The following WRN variants were observed in gnomAD, a reference collection of about 807,000 sequenced individuals.
The protein encoded by WRN is WRN RecQ like helicase.
Under a neutral mutation model 180.7 loss-of-function variants are expected in WRN, and 149 were observed. That is an observed-to-expected ratio of 0.82 (90% CI 0.72 to 0.94). WRN has a LOEUF of 0.94. Ranked by LOEUF, WRN falls within the 40% of genes least tolerant of loss-of-function variation. WRN has a pLI of 0.00. For missense variants in WRN, 1,661 were observed against 1,700.1 expected (o/e 0.98, Z 0.40); for synonymous variants, 548 against 568.9 (o/e 0.96, Z 0.52).
intron 10 of WRN, among the ~76,000 whole-genome samples, chr8:31,084,359 A>C (rs1205000292): frequency 6.6e-6 from 1 of 152,178 alleles, no homozygotes; most frequent in Non-Finnish European, 1.5e-5. Flanking sequence ...TTTATTGGGT[A>C]CCAATTATTA....
chr8:31,084,772 G>A (rs1289997022), intron 10 of WRN, among the ~76,000 whole-genome samples: 1 of 152,104 alleles, frequency 6.6e-6, no homozygotes, highest in Non-Finnish European at 1.5e-5. Context: ...TAAAATCAGT[G>A]GATGTCAAAA....
chr8:31,150,354 GA>G lies in WRN; in HGVS notation c.3590del (p.Asn1197ThrfsTer2), dbSNP rs281865160. On this transcript the variant is annotated frameshift_variant, in exon 31 of 35. Transcript: ENST00000298139. LOFTEE classifies it high-confidence loss of function. ...TGTTAAACACAGACCAACTACGGTT[GA>G]AAACGTAAAAAGGATTGATGGTGTT... ...DMAKMRPTTVENVKRIDGVSE... is the reference protein window; with the variant it reads ...DMAKMRPTTVXNVKRIDGVSE... 12 of 1,613,968 alleles carry G rather than the reference GA, an allele frequency of 7.4e-6. No individual in the cohort carries two copies. The highest frequency in any genetic ancestry group is 9.3e-6 in the Non-Finnish European group (11 of 1,179,988).
chr8:31,124,376 T>C (rs886182856), intron 21 of WRN, 146 bp from the exon 22 acceptor site: 26 of 623,344 alleles, frequency 4.2e-5, no homozygotes, highest in Non-Finnish European at 6.4e-5. Flanking sequence ...AACAGAACTT[T>C]CTGAGATGCT....
chr8:31,142,040 C>T (rs773130433), intron 26 of WRN, among the ~76,000 whole-genome samples: 5 of 151,970 alleles, frequency 3.3e-5, no homozygotes, highest in Admixed American at 6.6e-5. Context: ...GCCTCGATCT[C>T]GTGGGCCCAA....
intron 1 of WRN, among the ~76,000 whole-genome samples, chr8:31,036,546 T>G (rs1811459487): frequency 1.3e-5 from 2 of 152,250 alleles, no homozygotes; most frequent in Admixed American, 1.3e-4. Context: ...ATAGCCATTC[T>G]AACAGGTGTG....
chr8:31,053,984 C>G (rs893524224), intron 1 of WRN, among the ~76,000 whole-genome samples: 3 of 151,872 alleles, frequency 2.0e-5, no homozygotes, highest in African/African-American at 4.8e-5. Context: ...ATTTTTGCAC[C>G]CTTGAAATAC....
chr8:31,152,084 T>C (rs979539011), intron 31 of WRN, among the ~76,000 whole-genome samples: 2 of 152,110 alleles, frequency 1.3e-5, no homozygotes, highest in Non-Finnish European at 2.9e-5. Flanking sequence ...ATATAATCCA[T>C]AAATGTACAA....
intron 5 of WRN, 81 bp downstream of exon 5, chr8:31,065,144 T>A: frequency 7.4e-7 from 1 of 1,354,234 alleles, no homozygotes; most frequent in Non-Finnish European, 1.0e-6. Flanking sequence ...GAATGTTAGA[T>A]TTTTTTTTGA....
intron 1 of WRN, among the ~76,000 whole-genome samples, chr8:31,057,566 G>A (rs911479849): frequency 4.6e-5 from 7 of 151,708 alleles, no homozygotes; most frequent in African/African-American, 7.3e-5. Flanking sequence ...GCAAGACTCC[G>A]TCTCAAAACA....
intron 19 of WRN, 98 bp downstream of exon 19, chr8:31,111,897 A>G (rs1801335482): frequency 7.3e-7 from 1 of 1,378,420 alleles, no homozygotes. Flanking sequence ...CTTCTAATGC[A>G]TATTTAACAT....
chr8:31,070,217 T>A (rs1227112109), intron 7 of WRN, among the ~76,000 whole-genome samples: 1 of 151,750 alleles, frequency 6.6e-6, no homozygotes, highest in African/African-American at 2.4e-5. Context: ...CTTTTTTTCC[T>A]TCCTTCCTCC....
intron 20 of WRN, among the ~76,000 whole-genome samples, chr8:31,117,644 C>T (rs1801572158): frequency 1.3e-5 from 2 of 152,118 alleles, no homozygotes; most frequent in South Asian, 4.1e-4. Flanking sequence ...AATTTAACTT[C>T]AGCTCTTGCA....
At chr8:31,120,456 GA>G in intron 21 of WRN, 32 bp downstream of exon 21, 1 of 1,587,152 alleles carries the variant, frequency 6.3e-7, no homozygotes, top group African/African-American at 1.4e-5. Context: ...TACTCTTGCA[GA>G]TTTCTTTCTT....
At position 31,111,775 on chromosome 8, in the gene WRN, T is replaced by C. The variant is rs779633784; in HGVS notation, c.2249T>C (p.Leu750Pro). Residue 750 changes from leucine (L) to proline (P), a missense_variant, in exon 19 of 35, where the codon CTG becomes CCG. Physicochemically the swap from Leu to Pro is moderately conservative, Grantham distance 98 (BLOSUM62 -3). Around this residue, in one of 3 missense-constraint regions of WRN, gnomAD observed 1,141 missense variants for 1,149.4 expected, o/e 0.99. Transcript: ENST00000298139. Reference protein sequence around the residue: ...RRKTGNILQDLQPFLVKTSSH... With the variant: ...RRKTGNILQDPQPFLVKTSSH... ...AAAACAGGGAATATCCTTCAGGATC[T>C]GCAGCCATTTCTTGTCAAAACAAGG... The C allele has an allele frequency of 1.2e-6, 2 of 1,613,966 alleles. No individual in the cohort carries two copies. Among genetic ancestry groups the C allele is most frequent in the South Asian group, 2.2e-5 (2 of 91,082 alleles).
At chr8:31,069,612 A>C (rs1812833035) in intron 7 of WRN, among the ~76,000 whole-genome samples, 1 of 152,236 alleles carries the variant, frequency 6.6e-6, no homozygotes, top group African/African-American at 2.4e-5. Flanking sequence ...ATACAGGACA[A>C]TGTGTATAGA....
At chr8:31,119,800 C>T in intron 20 of WRN, among the ~76,000 whole-genome samples, 1 of 151,950 alleles carries the variant, frequency 6.6e-6, no homozygotes, top group East Asian at 1.9e-4. Context: ...ATCAATTTTA[C>T]CCTCTTAAAG....
At position 31,124,993 on chromosome 8, in the gene WRN, A is replaced by G; in HGVS notation, c.2818A>G (p.Arg940Gly). 2 of 1,612,864 alleles carry G rather than the reference A, an allele frequency of 1.2e-6. No individual in the cohort carries two copies. Among genetic ancestry groups the G allele is most frequent in the East Asian group, 2.2e-5 (1 of 44,736 alleles). Residue 940 changes from arginine (R) to glycine (G), a missense_variant, in exon 23 of 35, where the codon AGG (arginine) becomes GGG (glycine). Physicochemically the swap from Arg to Gly is moderately radical, Grantham distance 125 (BLOSUM62 -2). Transcript: ENST00000298139. ...AACTGAAAAATGCTGTGATAATTGC[A>G]GGTCCAGGTAAAGATTTCTTATTAT... is the stretch of plus-strand genomic sequence containing the variant. ...MGTEKCCDNC[R>G]SRLDHCYSMD...
At chr8:31,086,602 G>A (rs539128693) in intron 11 of WRN, among the ~76,000 whole-genome samples, 1 of 151,682 alleles carries the variant, frequency 6.6e-6, no homozygotes, top group East Asian at 1.9e-4. Context: ...AAAAAAAAAA[G>A]TAGATTGTGA....
At chr8:31,147,884 A>ATTTTTTTTTTT (rs367782924) in intron 30 of WRN, among the ~76,000 whole-genome samples, 1 of 126,906 alleles carries the variant, frequency 7.9e-6, no homozygotes, top group Non-Finnish European at 1.6e-5. Flanking sequence ...CTTCTTCTTC[A>ATTTTTTTTTTT]TTTTTTTTTT....
Sources: allele counts gnomAD v4.1 joint callset (sites outside exome capture counted in the v4.1 genomes callset), GRCh38; gene constraint gnomAD v4.1.1; regional missense constraint gnomAD v4.1.1; transcripts MANE v1.5; gene names NCBI Gene and HGNC (gene_info 2026-07-23, HGNC 2026-07-21).